Variants in MED12L observed in about 807,000 individuals in gnomAD.
MED12L encodes the protein mediator of RNA polymerase II transcription subunit 12-like protein.
Under a neutral mutation model 281.3 loss-of-function variants are expected in MED12L, and 60 were observed. The ratio of observed to expected loss-of-function variants is 0.21; its 90% confidence interval spans 0.17 to 0.26. The LOEUF (loss-of-function observed/expected upper bound fraction) is 0.26. MED12L is among the 10% of genes least tolerant of loss of function. The pLI, the probability that MED12L is intolerant of heterozygous loss-of-function variation, is 1.00. For missense variants in MED12L, 2,146 were observed against 2,680.9 expected (o/e 0.80, Z 4.41); for synonymous variants, 974 against 987.2 (o/e 0.99, Z 0.25).
At chr3:151,138,007 A>G (rs1212986293) in intron 5 of MED12L, among the ~76,000 whole-genome samples, 1 of 152,136 alleles carries the variant, frequency 6.6e-6, no homozygotes, top group Non-Finnish European at 1.5e-5. Flanking sequence ...TTCTATCTCC[A>G]TCTTTTCACA....
At chr3:151,323,051 G>T (rs996287047) in intron 16 of MED12L, among the ~76,000 whole-genome samples, 4 of 152,202 alleles carry the variant, frequency 2.6e-5, no homozygotes, top group African/African-American at 9.7e-5. Flanking sequence ...TAACGGTCCT[G>T]AGAGAAATCA....
chr3:151,193,405 ATG>A (rs1278728716), intron 15 of MED12L, 83 bp from the exon 16 acceptor site: 40 of 983,216 alleles, frequency 4.1e-5, no homozygotes, highest in Admixed American at 1.2e-4. Context: ...TAAGTGTCTT[ATG>A]TGTGTGTTTT....
chr3:151,345,128 C>G (rs1234209617), intron 16 of MED12L, among the ~76,000 whole-genome samples: 1 of 152,150 alleles, frequency 6.6e-6, no homozygotes, highest in African/African-American at 2.4e-5. Context: ...GAGATAATAT[C>G]TGGAGAAAGA....
intron 16 of MED12L, among the ~76,000 whole-genome samples, chr3:151,266,570 A>G (rs1739872067): frequency 6.6e-6 from 1 of 152,172 alleles, no homozygotes; most frequent in Non-Finnish European, 1.5e-5. Flanking sequence ...GCTATAAGAG[A>G]TGGGGGTTGC....
chr3:151,387,785 A>G lies in MED12L; in HGVS notation c.5089-25A>G, dbSNP rs201766501. The G allele has an allele frequency of 3.9e-4, 625 of 1,591,664 alleles. 1 individual carries two copies. In the African/African-American group the frequency reaches 7.3e-3, roughly 19 times the overall value. ...AATAAGGAAAAGATCTGAGTGTGCTATCTTAGAGCGCTATTTTCCCACAGG... is the reference window on the plus strand; with the variant it reads ...AATAAGGAAAAGATCTGAGTGTGCTGTCTTAGAGCGCTATTTTCCCACAGG... On this transcript the variant is annotated intron_variant, in intron 36 of 44. Transcript: ENST00000687756.
At chr3:151,172,489 G>A (rs372309453) in intron 11 of MED12L, among the ~76,000 whole-genome samples, 511 of 152,292 alleles carry the variant, frequency 3.4e-3, no homozygotes, top group Non-Finnish European at 3.5e-3. Flanking sequence ...TACCCATCAC[G>A]CAGTCTACTA....
intron 16 of MED12L, among the ~76,000 whole-genome samples, chr3:151,233,025 T>C (rs1306846545): frequency 6.6e-6 from 1 of 152,242 alleles, no homozygotes; most frequent in East Asian, 1.9e-4. Context: ...GTATGTGCTA[T>C]TGGTGATAAA....
In MED12L at chr3:151,175,458, A is replaced by G. The variant is rs960342274; in HGVS notation, c.1494+9476A>G. On this transcript the variant is annotated intron_variant, in intron 11 of 44. Transcript: ENST00000687756. ...AACTCTTTTTAGTTAGCTGTTGCTG[A>G]TAGTAATAAGTCATTGATTTTTTTC... 2.0e-5 allele frequency among the ~76,000 whole-genome samples: 3 copies of G among 152,170 alleles called. No individual in the cohort carries two copies. In the South Asian group the frequency reaches 6.2e-4, roughly 32 times the overall value.
At chr3:151,303,675 A>C (rs1252739339) in intron 16 of MED12L, among the ~76,000 whole-genome samples, 1 of 152,164 alleles carries the variant, frequency 6.6e-6, no homozygotes, top group Non-Finnish European at 1.5e-5. Flanking sequence ...AGGTAGGAGA[A>C]TTGCTTGAAC....
intron 16 of MED12L, among the ~76,000 whole-genome samples, chr3:151,300,641 T>C (rs924719664): frequency 1.3e-5 from 2 of 151,940 alleles, no homozygotes; most frequent in African/African-American, 4.8e-5. Flanking sequence ...AGTTTACCAT[T>C]AGGGGAAGTC....
intron 16 of MED12L, chr3:151,198,789 A>T: frequency 6.2e-7 from 1 of 1,613,822 alleles, no homozygotes. Context: ...ATTACAAGGC[A>T]ATTGGATATT....
In MED12L at chr3:151,432,735, T is replaced by C. The variant is rs945499675; in HGVS notation, c.6491-17T>C. 16 of 1,609,660 alleles carry C rather than the reference T, an allele frequency of 9.9e-6. No individual in the cohort carries two copies. The highest frequency in any genetic ancestry group is 1.4e-5 in the Non-Finnish European group (16 of 1,177,148). ...TTTTGTGTCTGTAATTTTGGTTCAA[T>C]TTATTTTTCTCCTTAGGCAACCAGC... On this transcript the variant is annotated splice_polypyrimidine_tract_variant and intron_variant, in intron 44 of 44. Coordinates refer to ENST00000687756, the MANE Select transcript of MED12L (RefSeq NM_001393769.1).
At chr3:151,380,066 T>A in intron 31 of MED12L, 47 bp from the exon 32 acceptor site, 1 of 1,163,476 alleles carries the variant, frequency 8.6e-7, no homozygotes, top group South Asian at 1.4e-5. Context: ...GAGGAAGTAA[T>A]GCATTATTTC....
At chr3:151,316,579 C>T (rs1299441783) in intron 16 of MED12L, 1 of 152,098 alleles carries the variant, frequency 6.6e-6, no homozygotes, top group Non-Finnish European at 1.5e-5. Flanking sequence ...AAAAATTTTT[C>T]GTTTACCTTT....
In MED12L at chr3:151,116,437, T is replaced by A; in HGVS notation, c.199T>A (p.Ser67Thr). Residue 67 changes from serine (S) to threonine (T), a missense_variant, in exon 3 of 45, where the codon TCA (serine) becomes ACA (threonine). By Grantham distance (58) the Ser-to-Thr change is moderately conservative. Coordinates refer to ENST00000687756, the MANE Select transcript of MED12L (RefSeq NM_001393769.1). ...GSARNIVINP[S>T]KIGAYFSSIL... is the part of the protein sequence containing the mutation. ...AGCCAGAAATATTGTAATTAACCCA[T>A]CAAAGGTAATGTTATTTGTTTGTTT... The A allele has an allele frequency of 6.2e-7, 1 of 1,602,708 alleles. No individual in the cohort carries two copies. Among genetic ancestry groups the A allele is most frequent in the Non-Finnish European group, 8.5e-7 (1 of 1,170,418 alleles).
chr3:151,368,685 A>ATTTTTTTTT (rs869105325), intron 25 of MED12L, among the ~76,000 whole-genome samples: 3 of 41,378 alleles, frequency 7.3e-5, no homozygotes, highest in South Asian at 1.9e-3. Context: ...ATGTCATTTC[A>ATTTTTTTTT]TTTTATTTCA....
chr3:151,345,652 A>G (rs1178849594), intron 16 of MED12L, among the ~76,000 whole-genome samples: 3 of 151,032 alleles, frequency 2.0e-5, no homozygotes, highest in African/African-American at 7.3e-5. Context: ...CGAGTAGCTG[A>G]AATTATAGGC....
intron 2 of MED12L, among the ~76,000 whole-genome samples, chr3:151,108,441 G>T (rs888304350): frequency 6.6e-6 from 1 of 152,162 alleles, no homozygotes; most frequent in Non-Finnish European, 1.5e-5. Context: ...CTGTGATGGG[G>T]ATTATCATAG....
Position 151,165,995 on chromosome 3 carries a change from T to C in MED12L, c.1494+13T>C. The C allele has an allele frequency of 6.3e-7, 1 of 1,586,322 alleles. No individual in the cohort carries two copies. Among genetic ancestry groups the C allele is most frequent in the Non-Finnish European group, 8.6e-7 (1 of 1,167,360 alleles). On this transcript the variant is annotated intron_variant, in intron 11 of 44. Coordinates refer to ENST00000687756, the MANE Select transcript of MED12L (RefSeq NM_001393769.1). ...AGATAACCAAGAGGTAGTTAATTTT[T>C]TTTTAATTCTTTTCACCTTTTATTT...
Sources: gnomAD v4.1 joint callset for allele counts (sites outside exome capture counted in the v4.1 genomes callset) on GRCh38, gnomAD v4.1.1 for gene constraint, MANE v1.5 for transcripts, NCBI Gene and HGNC (gene_info 2026-07-23, HGNC 2026-07-21) for gene names.